SIPA1L2: variants seen among roughly 807,000 people sequenced by gnomAD.
SIPA1L2 encodes the protein signal-induced proliferation-associated 1-like protein 2.
A neutral mutation model predicts 163.9 loss-of-function variants in SIPA1L2; 56 were observed. The ratio of observed to expected loss-of-function variants is 0.34; its 90% CI spans 0.28 to 0.43. The LOEUF (loss-of-function observed/expected upper bound fraction) is 0.43. SIPA1L2 is among the 20% of genes least tolerant of loss of function. The pLI is 1.00. For missense variants in SIPA1L2, 1,974 were observed against 2,193.5 expected (o/e 0.90, Z 2.00); for synonymous variants, 877 against 865.7 (o/e 1.01, Z -0.23).
intron 2 of SIPA1L2, among the ~76,000 whole-genome samples, chr1:232,536,727 C>T (rs1573044738): frequency 6.6e-6 from 1 of 152,050 alleles, no homozygotes; most frequent in African/African-American, 2.4e-5. Flanking sequence ...TGCAATATTG[C>T]TATGGATGAT....
intron 2 of SIPA1L2, among the ~76,000 whole-genome samples, chr1:232,530,974 A>T (rs1573036071): frequency 6.6e-6 from 1 of 152,336 alleles, no homozygotes; most frequent in East Asian, 1.9e-4. Context: ...TCTAGAAATC[A>T]TTTATATGAG....
At position 232,399,280 on chromosome 1, in the gene SIPA1L2, A is replaced by G. The variant is rs768986060; in HGVS notation, c.5023-7T>C. 6.2e-7 allele frequency: 1 copy of G among 1,613,028 alleles called. No homozygotes were observed. Among genetic ancestry groups the G allele is most frequent in the Non-Finnish European group, 8.5e-7 (1 of 1,179,828 alleles). On this transcript the variant is annotated splice_polypyrimidine_tract_variant and splice_region_variant and intron_variant, in intron 22 of 22. Transcript: ENST00000674635. ...CGGCCTTGTCTTGTTTTTCCTGGTC[A>G]GAGCAGAAATAAACTGAGTCATGGA...
At chr1:232,571,222 T>C (rs1659706815) in intron 2 of SIPA1L2, among the ~76,000 whole-genome samples, 1 of 152,204 alleles carries the variant, frequency 6.6e-6, no homozygotes. Context: ...TCAGTATTAA[T>C]TTTTTAGAAC....
intron 17 of SIPA1L2, among the ~76,000 whole-genome samples, chr1:232,426,531 A>G (rs948274019): frequency 4.7e-4 from 71 of 152,260 alleles, no homozygotes; most frequent in African/African-American, 1.6e-3. Flanking sequence ...ATGGTGATGC[A>G]CGCCTGTAGT....
At chr1:232,537,142 G>A (rs1185347759) in intron 2 of SIPA1L2, among the ~76,000 whole-genome samples, 1 of 152,100 alleles carries the variant, frequency 6.6e-6, no homozygotes, top group Non-Finnish European at 1.5e-5. Context: ...AGGCTGAGGT[G>A]GGAGGATCAC....
intron 2 of SIPA1L2, among the ~76,000 whole-genome samples, chr1:232,560,568 A>T (rs1056948263): frequency 4.6e-5 from 7 of 152,202 alleles, no homozygotes; most frequent in Non-Finnish European, 1.0e-4. Flanking sequence ...AATGCTGTGT[A>T]CTGGTCACCT....
chr1:232,446,666 G>A lies in SIPA1L2; in HGVS notation c.3096-880C>T, dbSNP rs373187362. On this transcript the variant is annotated intron_variant, in intron 10 of 22. Transcript: ENST00000674635. ...GTCTGTGTTCAACATATGGGAGTTG[G>A]TGGATTCTAAGGTTTCTCTCTCTTT... 9.2e-5 allele frequency among the ~76,000 whole-genome samples: 14 copies of A among 152,348 alleles called. No homozygotes were observed. In the South Asian group the frequency reaches 2.9e-3, roughly 32 times the overall value.
Position 232,428,439 on chromosome 1 carries a change from C to A in SIPA1L2, c.4382G>T (p.Ser1461Ile). 6.3e-7 allele frequency: 1 copy of A among 1,575,040 alleles called. No individual in the cohort carries two copies. The highest frequency in any genetic ancestry group is 1.2e-5 in the South Asian group (1 of 85,280). Residue 1461 changes from serine to isoleucine, a missense_variant, in exon 17 of 23, where the codon AGC (serine) becomes ATC (isoleucine). Coordinates refer to ENST00000674635, the MANE Select transcript of SIPA1L2 (RefSeq NM_020808.5). ...TCTTCGCCCCTCCTCCACTAAGGGG[C>A]TGTCAGGAAGCATCAATTTCAGAAA... ...EDFLKLMLPD[S>I]PLVEEGRRKF...
At chr1:232,522,869 C>A (rs3855979) in intron 2 of SIPA1L2, among the ~76,000 whole-genome samples, 137,638 of 152,278 alleles carry the variant, frequency 0.9, 62,839 homozygotes, top group Middle Eastern at 0.95. Context: ...CCAAAGGAAC[C>A]CAGTAAAGGA....
intron 14 of SIPA1L2, among the ~76,000 whole-genome samples, chr1:232,440,961 G>A (rs764121908): frequency 1.3e-5 from 2 of 152,184 alleles, no homozygotes; most frequent in East Asian, 1.9e-4. Flanking sequence ...CACACACACC[G>A]ATTAGCAGTT....
intron 1 of SIPA1L2, among the ~76,000 whole-genome samples, chr1:232,597,114 A>G (rs1047977128): frequency 2.6e-5 from 4 of 152,328 alleles, no homozygotes; most frequent in African/African-American, 9.6e-5. Context: ...TTCTATGAGC[A>G]TCCCAGAAAC....
At chr1:232,620,509 C>T (rs1662746700) in intron 1 of SIPA1L2, among the ~76,000 whole-genome samples, 1 of 152,136 alleles carries the variant, frequency 6.6e-6, no homozygotes, top group Non-Finnish European at 1.5e-5. Context: ...TATCCTGTGC[C>T]GACTCAACAT....
intron 1 of SIPA1L2, among the ~76,000 whole-genome samples, chr1:232,578,473 G>A (rs1292817017): frequency 2.0e-5 from 3 of 151,776 alleles, no homozygotes; most frequent in Non-Finnish European, 4.4e-5. Context: ...AGCCTCTGAA[G>A]CATCAGTATT....
intron 15 of SIPA1L2, among the ~76,000 whole-genome samples, chr1:232,435,589 C>T (rs753911094): frequency 6.6e-6 from 1 of 152,174 alleles, no homozygotes; most frequent in Non-Finnish European, 1.5e-5. Flanking sequence ...AACAGCCCAA[C>T]GTCGTGTGTG....
At chr1:232,450,118 G>C (rs538333471) in intron 10 of SIPA1L2, among the ~76,000 whole-genome samples, 17 of 152,282 alleles carry the variant, frequency 1.1e-4, no homozygotes, top group African/African-American at 3.8e-4. Context: ...CTGTGCATCA[G>C]TAAAGGTTAG....
chr1:232,538,117 A>C (rs549695453), intron 2 of SIPA1L2, among the ~76,000 whole-genome samples: 1 of 152,258 alleles, frequency 6.6e-6, no homozygotes, highest in Non-Finnish European at 1.5e-5. Context: ...AAAAAGTCTC[A>C]GTAATTTCAA....
chr1:232,499,073 G>A (rs577154304), intron 3 of SIPA1L2, among the ~76,000 whole-genome samples: 53 of 152,294 alleles, frequency 3.5e-4, no homozygotes, highest in African/African-American at 1.2e-3. Context: ...ATATAGGAAA[G>A]AGACAAAAAT....
At chr1:232,473,051 A>G (rs1176583353) in intron 7 of SIPA1L2, among the ~76,000 whole-genome samples, 1 of 152,248 alleles carries the variant, frequency 6.6e-6, no homozygotes, top group Non-Finnish European at 1.5e-5. Flanking sequence ...ATCATAATAC[A>G]GACCCAATGA....
chr1:232,421,283 AACCACTGCCTGCGC>A (rs1344273181), intron 18 of SIPA1L2, among the ~76,000 whole-genome samples: 5 of 152,192 alleles, frequency 3.3e-5, no homozygotes, highest in Non-Finnish European at 2.9e-5. Context: ...AGTATCAGGG[AACCACTGCCTGCGC>A]ACCTGCTCTG....
Sources: gnomAD v4.1 joint callset for allele counts (sites outside exome capture counted in the v4.1 genomes callset) on GRCh38, gnomAD v4.1.1 for gene constraint, MANE v1.5 for transcripts, NCBI Gene and HGNC (gene_info 2026-07-23, HGNC 2026-07-21) for gene names.